The following ADAMTSL1 variants were observed in gnomAD, a reference collection of about 807,000 sequenced individuals.
ADAMTSL1 encodes the protein ADAMTS like 1.
In ADAMTSL1, 126 loss-of-function variants were observed where a neutral mutation model predicts 201.8. That is an observed-to-expected ratio of 0.62 (90% CI 0.54 to 0.72). The LOEUF (loss-of-function observed/expected upper bound fraction) is 0.72, where lower values mean the gene tolerates loss of function less well. ADAMTSL1 is among the 30% of genes least tolerant of loss of function. The pLI is 0.00. For synonymous variants in ADAMTSL1, 1,121 were observed against 903.4 expected (o/e 1.24, Z -4.32); for missense variants, 2,679 against 2,277.8 (o/e 1.18, Z -3.59).
chr9:18,726,654 C>T (rs947836400), intron 15 of ADAMTSL1, among the ~76,000 whole-genome samples: 4 of 151,906 alleles, frequency 2.6e-5, no homozygotes, highest in African/African-American at 9.7e-5. Flanking sequence ...ATAGCCTGGC[C>T]AGTGTGTGTT....
chr9:18,294,988 G>A lies in ADAMTSL1; in HGVS notation c.207+131007G>A, dbSNP rs187303130. On this transcript the variant is annotated intron_variant, in intron 2 of 29. Coordinates refer to the ADAMTSL1 transcript ENST00000680146. The stretch of plus-strand genomic sequence containing the variant: ...TCTCCCTTCCTCTTATCAGTACCAA[G>A]ATCAGCTTAGATCACAGCGTGTGGC... Among the ~76,000 whole-genome samples the A allele has an allele frequency of 1.9e-4, 29 of 152,010 alleles. No individual in the cohort carries two copies. In the Middle Eastern group the frequency reaches 0.014, roughly 71 times the overall value.
In ADAMTSL1 at chr9:18,064,938, G is replaced by A. The variant is rs1476215870; in HGVS notation, c.88-98924G>A. Among the ~76,000 whole-genome samples, 7 of 132,896 alleles carry A rather than the reference G, an allele frequency of 5.3e-5. No individual in the cohort carries two copies. The East Asian group carries it at 1.2e-3, about 23-fold the overall frequency. The allele number at this position is 132,896 out of a possible 152,430, so 87.2% of individuals were successfully genotyped here. ...TGGTATTCAAAAATTGATTCAGAAAGCAGTATTTGCTAAAGATTTTTTTTT... is the reference window on the plus strand; with the variant it reads ...TGGTATTCAAAAATTGATTCAGAAAACAGTATTTGCTAAAGATTTTTTTTT... On this transcript the variant is annotated intron_variant, in intron 1 of 29. Coordinates refer to the ADAMTSL1 transcript ENST00000680146.
intron 1 of ADAMTSL1, among the ~76,000 whole-genome samples, chr9:18,111,001 A>G (rs560099461): frequency 2.6e-5 from 4 of 152,276 alleles, no homozygotes; most frequent in African/African-American, 9.6e-5. Flanking sequence ...CTGATGTAAA[A>G]CAGGTAGCAG....
At chr9:18,310,789 A>C (rs1834120606) in intron 2 of ADAMTSL1, among the ~76,000 whole-genome samples, 1 of 152,180 alleles carries the variant, frequency 6.6e-6, no homozygotes, top group Admixed American at 6.5e-5. Context: ...TGTGGAAGGC[A>C]CTGTGGCAAT....
At chr9:18,461,351 A>T (rs1252446254) in intron 2 of ADAMTSL1, among the ~76,000 whole-genome samples, 3 of 151,966 alleles carry the variant, frequency 2.0e-5, no homozygotes, top group African/African-American at 7.3e-5. Flanking sequence ...TTTTCATGTA[A>T]TTTTTTTAAC....
At chr9:18,278,052 A>G (rs1587453315) in intron 2 of ADAMTSL1, among the ~76,000 whole-genome samples, 1 of 152,076 alleles carries the variant, frequency 6.6e-6, no homozygotes, top group East Asian at 1.9e-4. Context: ...CTCCACTTTA[A>G]TTATTCTTCC....
intron 14 of ADAMTSL1, among the ~76,000 whole-genome samples, chr9:18,709,406 T>A (rs966944703): frequency 2.0e-5 from 3 of 152,192 alleles, no homozygotes; most frequent in African/African-American, 7.2e-5. Context: ...AACAAATAGA[T>A]TTTAAATCAA....
chr9:18,125,987 G>A (rs959741208), intron 1 of ADAMTSL1, among the ~76,000 whole-genome samples: 1 of 152,130 alleles, frequency 6.6e-6, no homozygotes, highest in Non-Finnish European at 1.5e-5. Context: ...TGCAACTAGA[G>A]TGTGAACATC....
chr9:18,286,739 G>A lies in ADAMTSL1; in HGVS notation c.207+122758G>A, dbSNP rs961581819. ...TCCTATAAGAGAATTTTCCATAGAA[G>A]AGAACACATTTCTTTTTAGTCTCCA... On this transcript the variant is annotated intron_variant, in intron 2 of 29. Coordinates refer to the ADAMTSL1 transcript ENST00000680146. 1.4e-3 allele frequency among the ~76,000 whole-genome samples: 79 copies of A among 54,702 alleles called. 8 individuals are homozygous for A. The highest frequency in any genetic ancestry group is 2.9e-3 in the African/African-American group (74 of 25,792). The allele number at this position is 54,702 out of a possible 152,430, so 35.9% of individuals were successfully genotyped here.
At chr9:18,329,664 C>T (rs1398708475) in intron 2 of ADAMTSL1, among the ~76,000 whole-genome samples, 1 of 152,188 alleles carries the variant, frequency 6.6e-6, no homozygotes, top group Admixed American at 6.5e-5. Flanking sequence ...TTGTCATGTC[C>T]TGCAAGGAAT....
intron 23 of ADAMTSL1, among the ~76,000 whole-genome samples, chr9:18,862,020 A>T (rs1380067453): frequency 6.6e-6 from 1 of 152,146 alleles, no homozygotes; most frequent in Non-Finnish European, 1.5e-5. Flanking sequence ...TTCCCCTGGT[A>T]GCTCCACCCC....
intron 1 of ADAMTSL1, among the ~76,000 whole-genome samples, chr9:18,081,966 T>C (rs2131776514): frequency 6.6e-6 from 1 of 152,336 alleles, no homozygotes; most frequent in East Asian, 1.9e-4. Flanking sequence ...AGAGTCTTTG[T>C]TATATTGATA....
At chr9:18,688,393 G>A (rs1225889632) in intron 13 of ADAMTSL1, among the ~76,000 whole-genome samples, 1 of 151,274 alleles carries the variant, frequency 6.6e-6, no homozygotes, top group Non-Finnish European at 1.5e-5. Flanking sequence ...CTCCCAAAGT[G>A]CTGGGATTAC....
chr9:18,609,510 A>T (rs1462958205), intron 4 of ADAMTSL1, among the ~76,000 whole-genome samples: 1 of 152,024 alleles, frequency 6.6e-6, no homozygotes, highest in African/African-American at 2.4e-5. Context: ...ATGGAATTTG[A>T]GTTGTGATCT....
At chr9:18,756,080 T>A (rs1292788051) in intron 16 of ADAMTSL1, among the ~76,000 whole-genome samples, 1 of 4,214 alleles carries the variant, frequency 2.4e-4, no homozygotes, top group African/African-American at 7.3e-4. Flanking sequence ...ACTGAAAATA[T>A]ATATATATAT....
At chr9:18,353,032 G>T (rs934410005) in intron 2 of ADAMTSL1, among the ~76,000 whole-genome samples, 2 of 152,172 alleles carry the variant, frequency 1.3e-5, no homozygotes, top group Admixed American at 6.5e-5. Flanking sequence ...AGCATGATAT[G>T]CCCACTGAGC....
intron 2 of ADAMTSL1, among the ~76,000 whole-genome samples, chr9:18,348,683 T>C (rs1033389699): frequency 6.6e-6 from 1 of 152,186 alleles, no homozygotes; most frequent in Admixed American, 6.5e-5. Context: ...AGTTGTCAGA[T>C]GCTTCACCTG....
At chr9:18,750,387 T>G (rs1819403966) in intron 15 of ADAMTSL1, among the ~76,000 whole-genome samples, 1 of 152,234 alleles carries the variant, frequency 6.6e-6, no homozygotes, top group African/African-American at 2.4e-5. Flanking sequence ...GTATCAATTT[T>G]TGTGTTTCTG....
intron 4 of ADAMTSL1, among the ~76,000 whole-genome samples, chr9:18,614,747 C>T (rs554010086): frequency 2.6e-5 from 4 of 152,226 alleles, no homozygotes; most frequent in East Asian, 1.9e-4. Flanking sequence ...TAACAGCCAG[C>T]GTAATGCCTT....
Sources: gnomAD v4.1 joint callset for allele counts (sites outside exome capture counted in the v4.1 genomes callset) on GRCh38, gnomAD v4.1.1 for gene constraint, MANE v1.5 for transcripts, NCBI Gene and HGNC (gene_info 2026-07-23, HGNC 2026-07-21) for gene names.